The following WWC2 variants were observed in gnomAD, a reference collection of about 807,000 sequenced individuals.
WWC2 encodes protein WWC2.
Under a neutral mutation model 138.5 loss-of-function variants are expected in WWC2, and 101 were observed. The observed-to-expected ratio is 0.73, with a 90% confidence interval of 0.62 to 0.86. The LOEUF (loss-of-function observed/expected upper bound fraction) is 0.86, where lower values mean the gene tolerates loss of function less well. Ranked by LOEUF, WWC2 falls within the 40% of genes least tolerant of loss-of-function variation. WWC2 has a pLI of 0.00. For missense variants in WWC2, 1,420 were observed against 1,419.4 expected (o/e 1.00, Z -0.01); for synonymous variants, 558 against 538.4 (o/e 1.04, Z -0.50).
Position 183,299,580 on chromosome 4 carries a change from T to C in WWC2, c.3384+9945T>C, listed in dbSNP as rs889228278. ...AAACCAGTTTTTTGAAAAAACAAAC[T>C]TTCCATTGTGTGCCTTTCATTATAG... On this transcript the variant is annotated intron_variant, in intron 21 of 22. Coordinates refer to ENST00000403733, the MANE Select transcript of WWC2 (RefSeq NM_024949.6). Among the ~76,000 whole-genome samples the C allele has an allele frequency of 1.8e-4, 28 of 152,158 alleles. 1 individual carries two copies. Among genetic ancestry groups the C allele is most frequent in the African/African-American group, 6.8e-4 (28 of 41,442 alleles).
chr4:183,271,303 TGAAA>T, intron 16 of WWC2, 62 bp downstream of exon 16: 3 of 1,343,298 alleles, frequency 2.2e-6, no homozygotes, highest in Non-Finnish European at 3.0e-6. Context: ...AATACATATA[TGAAA>T]GTAATATGAA....
intron 5 of WWC2, among the ~76,000 whole-genome samples, chr4:183,245,069 A>G (rs1736728794): frequency 6.6e-6 from 1 of 151,992 alleles, no homozygotes; most frequent in Non-Finnish European, 1.5e-5. Flanking sequence ...TTTACCAAAA[A>G]TACAAAAATT....
At chr4:183,244,313 G>C (rs1370293908) in intron 5 of WWC2, among the ~76,000 whole-genome samples, 2 of 152,090 alleles carry the variant, frequency 1.3e-5, no homozygotes, top group Non-Finnish European at 2.9e-5. Context: ...AAAAGAATTA[G>C]GTAATTCGAT....
At chr4:183,138,908 G>A (rs992684212) in intron 1 of WWC2, among the ~76,000 whole-genome samples, 2 of 152,142 alleles carry the variant, frequency 1.3e-5, no homozygotes, top group East Asian at 3.9e-4. Context: ...GTGATGTATT[G>A]TCAGGCTTGG....
chr4:183,239,605 G>A (rs1224286369), intron 4 of WWC2, among the ~76,000 whole-genome samples: 4 of 152,066 alleles, frequency 2.6e-5, no homozygotes, highest in East Asian at 3.8e-4. Flanking sequence ...ACTTTCCCAC[G>A]GAGGACAGAC....
rs139126538 is a variant in WWC2, at chr4:183,249,925, A to C, written c.885A>C (p.Gly295=). 6.2e-7 allele frequency: 1 copy of C among 1,613,336 alleles called. No individual in the cohort carries two copies. The highest frequency in any genetic ancestry group is 8.5e-7 in the Non-Finnish European group (1 of 1,179,574). Residue 295 remains glycine, a synonymous_variant, in exon 8 of 23, where the codon GGA becomes GGC. Coordinates refer to ENST00000403733, the MANE Select transcript of WWC2 (RefSeq NM_024949.6). ...CCTTTTTCTTTTTCCACTAGATTGG[A>C]GTAAGAAGTAGATCAAATTTAGCTG... The part of the protein sequence containing the change: ...GSQTSISGDI[G]VRSRSNLAEK...
intron 1 of WWC2, among the ~76,000 whole-genome samples, chr4:183,160,673 G>GA (rs1733937971): frequency 6.6e-6 from 1 of 152,160 alleles, no homozygotes; most frequent in Admixed American, 6.5e-5. Flanking sequence ...CACATTGAAA[G>GA]AAAATGGTAA....
intron 20 of WWC2, among the ~76,000 whole-genome samples, chr4:183,287,857 A>G (rs956501090): frequency 2.0e-5 from 3 of 152,190 alleles, no homozygotes; most frequent in Non-Finnish European, 4.4e-5. Flanking sequence ...AGTGACAGTG[A>G]CATCACAGTC....
Position 183,117,032 on chromosome 4 carries a change from G to A in WWC2, c.131+17410G>A, listed in dbSNP as rs755505262. 8.3e-4 allele frequency among the ~76,000 whole-genome samples: 126 copies of A among 152,128 alleles called. 1 individual carries two copies. Among genetic ancestry groups the A allele is most frequent in the Non-Finnish European group, 6.8e-4 (46 of 68,004 alleles). The stretch of plus-strand genomic sequence containing the variant: ...TGTCTCTGGTTCTAAAAACGGTTCA[G>A]TGTTGTCCCACAGCTTCTCCCAATC... On this transcript the variant is annotated intron_variant, in intron 1 of 22. Coordinates refer to ENST00000403733, the MANE Select transcript of WWC2 (RefSeq NM_024949.6).
chr4:183,148,784 A>G (rs1733547377), intron 1 of WWC2, among the ~76,000 whole-genome samples: 1 of 152,190 alleles, frequency 6.6e-6, no homozygotes, highest in Non-Finnish European at 1.5e-5. Context: ...TTCCTGTGCC[A>G]GGGTGTCCCG....
At chr4:183,121,463 G>A (rs1475626870) in intron 1 of WWC2, among the ~76,000 whole-genome samples, 1 of 151,938 alleles carries the variant, frequency 6.6e-6, no homozygotes, top group African/African-American at 2.4e-5. Context: ...TGTTATGTCG[G>A]CATTCAGAAG....
At chr4:183,174,777 C>T (rs2111170372) in intron 1 of WWC2, among the ~76,000 whole-genome samples, 1 of 152,158 alleles carries the variant, frequency 6.6e-6, no homozygotes, top group South Asian at 2.1e-4. Context: ...TTTTCCTCCT[C>T]TCCTCCTTCT....
chr4:183,212,572 C>T (rs1375483190), intron 4 of WWC2, among the ~76,000 whole-genome samples: 1 of 152,186 alleles, frequency 6.6e-6, no homozygotes, highest in African/African-American at 2.4e-5. Context: ...TATTACTTCC[C>T]TCTGAAATTT....
Position 183,240,338 on chromosome 4 carries a change from G to T in WWC2, c.602+76G>T, listed in dbSNP as rs1035170035. 1.5e-5 allele frequency: 17 copies of T among 1,147,012 alleles called. No individual in the cohort carries two copies. In the African/African-American group the frequency reaches 2.4e-4, roughly 16 times the overall value. The allele number at this position is 1,147,012 out of a possible 1,614,324, so 71.1% of individuals were successfully genotyped here. A position where few individuals can be genotyped will look rare whatever the true frequency, so the allele number is the denominator to read the frequency against. ...TGAATACAAAGAAAATAGAAGTACA[G>T]ATTACATAAGCGATTTCTTAAAGAA... On this transcript the variant is annotated intron_variant, in intron 5 of 22. Transcript: ENST00000403733.
intron 1 of WWC2, among the ~76,000 whole-genome samples, chr4:183,165,928 C>T (rs888174088): frequency 5.3e-5 from 8 of 152,174 alleles, no homozygotes; most frequent in Non-Finnish European, 1.2e-4. Flanking sequence ...GACAAAGTGT[C>T]TCATTTATGG....
chr4:183,159,281 A>G (rs893485701), intron 1 of WWC2, among the ~76,000 whole-genome samples: 5 of 152,186 alleles, frequency 3.3e-5, no homozygotes, highest in African/African-American at 1.2e-4. Context: ...GGATTTATGT[A>G]GTCCCACTTG....
In WWC2 at chr4:183,289,504, G is replaced by C; in HGVS notation, c.3253G>C (p.Asp1085His). ...ASLTRQSRLN[D>H]ELQALRDLRQ... The stretch of plus-strand genomic sequence containing the variant: ...TCTGACCCGGCAGAGCCGCCTCAAT[G>C]ATGAGCTGCAGGCGCTGAGGGACTT... The change falls in exon 21 of 23, where the codon GAT becomes CAT. Residue 1085 changes from aspartate to histidine, a missense_variant. Coordinates refer to ENST00000403733, the MANE Select transcript of WWC2 (RefSeq NM_024949.6). 1 of 1,613,926 alleles carries C rather than the reference G, an allele frequency of 6.2e-7. No individual in the cohort carries two copies. Among genetic ancestry groups the C allele is most frequent in the Non-Finnish European group, 8.5e-7 (1 of 1,179,852 alleles).
chr4:183,125,156 T>C (rs1047818794), intron 1 of WWC2, among the ~76,000 whole-genome samples: 7 of 152,122 alleles, frequency 4.6e-5, no homozygotes, highest in Non-Finnish European at 2.9e-5. Flanking sequence ...GGATGGAAGC[T>C]TTTATATCAA....
intron 1 of WWC2, among the ~76,000 whole-genome samples, chr4:183,112,558 T>A (rs1732269183): frequency 1.3e-5 from 2 of 152,228 alleles, no homozygotes; most frequent in Non-Finnish European, 2.9e-5. Flanking sequence ...ATTCATTCAA[T>A]CAAACTATTC....
Sources: gnomAD v4.1 joint callset for allele counts (sites outside exome capture counted in the v4.1 genomes callset) on GRCh38, gnomAD v4.1.1 for gene constraint, MANE v1.5 for transcripts, NCBI Gene and HGNC (gene_info 2026-07-23, HGNC 2026-07-21) for gene names.